DNAJC24: variants seen among roughly 807,000 people sequenced by gnomAD.
DNAJC24 encodes the protein DnaJ heat shock protein family (Hsp40) member C24, also known as dnaJ homolog subfamily C member 24.
In DNAJC24, 17 loss-of-function variants were observed where a neutral mutation model predicts 18.0. That is an observed-to-expected ratio of 0.94 (90% CI 0.65 to 1.42). The LOEUF (loss-of-function observed/expected upper bound fraction) is 1.42, where lower values mean the gene tolerates loss of function less well. Ranked by LOEUF, DNAJC24 falls within the 40% of genes most tolerant of loss-of-function variation. The pLI, the probability that DNAJC24 is intolerant of heterozygous loss-of-function variation, is 0.00. For missense variants in DNAJC24, 158 were observed against 175.6 expected (o/e 0.90, Z 0.57); for synonymous variants, 55 against 57.7 (o/e 0.95, Z 0.21).
chr11:31,390,381 G>A (rs1952479620), intron 2 of DNAJC24, among the ~76,000 whole-genome samples: 1 of 111,704 alleles, frequency 9.0e-6, no homozygotes, highest in African/African-American at 3.6e-5. Context: ...GGGTGACAGA[G>A]CAAGACTCTA....
intron 4 of DNAJC24, among the ~76,000 whole-genome samples, chr11:31,428,760 T>C (rs1045275012): frequency 3.3e-5 from 5 of 152,158 alleles, no homozygotes; most frequent in African/African-American, 1.2e-4. Context: ...TCATTCAGAG[T>C]ATTTAAAATG....
At chr11:31,376,100 T>A (rs1952312010) in intron 2 of DNAJC24, among the ~76,000 whole-genome samples, 1 of 152,072 alleles carries the variant, frequency 6.6e-6, no homozygotes, top group Non-Finnish European at 1.5e-5. Context: ...TGGTAGTGAA[T>A]AAGTCTCACA....
chr11:31,385,426 G>A (rs534370957), intron 2 of DNAJC24, among the ~76,000 whole-genome samples: 87 of 152,246 alleles, frequency 5.7e-4, no homozygotes, highest in African/African-American at 2.0e-3. Context: ...TGCCACAAAA[G>A]CATTTGAAGT....
intron 3 of DNAJC24, among the ~76,000 whole-genome samples, chr11:31,425,588 T>G (rs1402024074): frequency 6.6e-6 from 1 of 152,150 alleles, no homozygotes; most frequent in Non-Finnish European, 1.5e-5. Context: ...CCTTTATGTG[T>G]GGGTGCGTGT....
intron 4 of DNAJC24, among the ~76,000 whole-genome samples, chr11:31,428,576 T>C (rs984015356): frequency 2.0e-5 from 3 of 152,150 alleles, no homozygotes; most frequent in Non-Finnish European, 4.4e-5. Flanking sequence ...AGGAGAAAAG[T>C]TCATGAAACC....
intron 3 of DNAJC24, chr11:31,416,046 C>G (rs1952748996): frequency 6.6e-6 from 1 of 152,136 alleles, no homozygotes; most frequent in Non-Finnish European, 1.5e-5. Context: ...AAGACTTGAA[C>G]TGTTTATGTA....
intron 2 of DNAJC24, among the ~76,000 whole-genome samples, chr11:31,385,999 G>A (rs140533374): frequency 1.8e-3 from 272 of 152,224 alleles, no homozygotes; most frequent in African/African-American, 4.0e-3. Flanking sequence ...GTGTCACAGC[G>A]GAAAGCAACA....
chr11:31,382,140 T>C (rs1188611626), intron 2 of DNAJC24, among the ~76,000 whole-genome samples: 1 of 152,164 alleles, frequency 6.6e-6, no homozygotes, highest in Non-Finnish European at 1.5e-5. Flanking sequence ...TGGTATCTGA[T>C]GTAATAAATA....
intron 2 of DNAJC24, chr11:31,408,345 T>C: frequency 2.7e-6 from 1 of 372,858 alleles, no homozygotes; most frequent in East Asian, 7.3e-5. Flanking sequence ...GTCCCAAGAA[T>C]TGATATTTGT....
chr11:31,420,723 G>C (rs1419584277), intron 3 of DNAJC24, among the ~76,000 whole-genome samples: 1 of 152,050 alleles, frequency 6.6e-6, no homozygotes, highest in Non-Finnish European at 1.5e-5. Context: ...TTACTAATTT[G>C]ACTAAGGTCA....
At chr11:31,393,257 G>A (rs1364853627) in intron 2 of DNAJC24, among the ~76,000 whole-genome samples, 6 of 152,082 alleles carry the variant, frequency 3.9e-5, no homozygotes, top group Admixed American at 3.9e-4. Context: ...TGTGTCCTGA[G>A]CCCCTACAAG....
chr11:31,413,595 G>C (rs1178922552), intron 2 of DNAJC24, among the ~76,000 whole-genome samples: 1 of 151,992 alleles, frequency 6.6e-6, no homozygotes, highest in African/African-American at 2.4e-5. Flanking sequence ...GCCTCCCTAA[G>C]TGCTGGTATT....
chr11:31,425,998 G>C (rs547687072), intron 3 of DNAJC24, among the ~76,000 whole-genome samples: 11 of 152,262 alleles, frequency 7.2e-5, no homozygotes, highest in Non-Finnish European at 1.5e-4. Flanking sequence ...GTCACTAGTT[G>C]ACTGCAAAGA....
chr11:31,427,329 A>G (rs1952871939), intron 4 of DNAJC24: 1 of 152,114 alleles, frequency 6.6e-6, no homozygotes, highest in Admixed American at 6.6e-5. Flanking sequence ...TTCTGTCCCC[A>G]ACCCCTCAAG....
chr11:31,394,082 A>G (rs1952522677), intron 2 of DNAJC24, among the ~76,000 whole-genome samples: 1 of 152,186 alleles, frequency 6.6e-6, no homozygotes, highest in Admixed American at 6.5e-5. Flanking sequence ...CTCATGCCTG[A>G]GTGACACTTA....
At chr11:31,388,426 C>T (rs894226399) in intron 2 of DNAJC24, among the ~76,000 whole-genome samples, 13 of 152,178 alleles carry the variant, frequency 8.5e-5, no homozygotes, top group African/African-American at 2.2e-4. Context: ...CCAGCCTTCC[C>T]AGTGGAAACC....
In DNAJC24 at chr11:31,426,436, G is replaced by A. The variant is rs1020398560; in HGVS notation, c.319+81G>A. The A allele has an allele frequency of 3.1e-5, 24 of 785,526 alleles. No individual in the cohort carries two copies. In the African/African-American group the frequency reaches 4.1e-4, roughly 13 times the overall value. The allele number at this position is 785,526 out of a possible 1,614,324, so 48.7% of individuals were successfully genotyped here. On this transcript the variant is annotated intron_variant, in intron 4 of 4. Coordinates refer to ENST00000465995, the MANE Select transcript of DNAJC24 (RefSeq NM_181706.5). ...GAAAAAAAAACTCATTGGATATTTGGAAATCTTAAAAAGAAATAATAGTGT... is the reference window on the plus strand; with the variant it reads ...GAAAAAAAAACTCATTGGATATTTGAAAATCTTAAAAAGAAATAATAGTGT...
intron 2 of DNAJC24, among the ~76,000 whole-genome samples, chr11:31,411,403 G>C (rs987486158): frequency 6.6e-6 from 1 of 152,136 alleles, no homozygotes; most frequent in Admixed American, 6.5e-5. Context: ...AAAACAAACT[G>C]TCAGAAACTT....
intron 3 of DNAJC24, among the ~76,000 whole-genome samples, chr11:31,419,780 A>G (rs1197322262): frequency 2.0e-5 from 3 of 152,098 alleles, no homozygotes; most frequent in African/African-American, 7.2e-5. Context: ...GTTTCATATT[A>G]CACTCTGCTT....
Sources: allele counts gnomAD v4.1 joint callset (sites outside exome capture counted in the v4.1 genomes callset), GRCh38; gene constraint gnomAD v4.1.1; transcripts MANE v1.5; gene names NCBI Gene and HGNC (gene_info 2026-07-23, HGNC 2026-07-21).